SLC25A37: variants seen among roughly 807,000 people sequenced by gnomAD.
SLC25A37 encodes mitoferrin-1.
A neutral mutation model predicts 31.0 loss-of-function variants in SLC25A37; 17 were observed. The observed-to-expected ratio is 0.55, with a 90% confidence interval of 0.38 to 0.82. SLC25A37 has a LOEUF of 0.82. Among genes scored for constraint, SLC25A37 ranks in the 40% least tolerant of loss-of-function variants. The pLI is 0.00. For missense variants in SLC25A37, 404 were observed against 465.8 expected, an observed-to-expected ratio of 0.87 and a Z score of 1.22; for synonymous variants, 222 against 193.0, an observed-to-expected ratio of 1.15 and a Z score of -1.24.
intron 1 of SLC25A37, among the ~76,000 whole-genome samples, chr8:23,554,773 C>T (rs1414632603): frequency 6.6e-6 from 1 of 152,200 alleles, no homozygotes; most frequent in African/African-American, 2.4e-5. Flanking sequence ...GGTGGCCTGG[C>T]AAGCAGCTGT....
Position 23,574,820 on chromosome 8 carries a change from G to C in SLC25A37, c.*2965G>C, listed in dbSNP as rs903021166. 6.5e-6 allele frequency: 1 copy of C among 154,284 alleles called. No homozygotes were observed. Among genetic ancestry groups the C allele is most frequent in the African/African-American group, 2.4e-5 (1 of 41,440 alleles). The allele number at this position is 154,284 out of a possible 1,614,324, so 9.6% of individuals were successfully genotyped here. A position where few individuals can be genotyped will look rare whatever the true frequency, so the allele number is the denominator to read the frequency against. ...GACCAATTCAGTGTAACCTTTGCAC[G>C]TACTCAGTCATTGGTGTCTTTGGAG... On this transcript the variant is annotated 3_prime_UTR_variant, in exon 4 of 4. Transcript: ENST00000519973.
At chr8:23,549,171 C>T (rs1802154661) in intron 1 of SLC25A37, among the ~76,000 whole-genome samples, 2 of 152,208 alleles carry the variant, frequency 1.3e-5, no homozygotes, top group African/African-American at 4.8e-5. Flanking sequence ...GTTCCAGCAG[C>T]CCCTAACACT....
At chr8:23,545,177 A>T (rs935646974) in intron 1 of SLC25A37, among the ~76,000 whole-genome samples, 1 of 152,158 alleles carries the variant, frequency 6.6e-6, no homozygotes, top group Non-Finnish European at 1.5e-5. Flanking sequence ...GGTGTAGGCG[A>T]CAACTGTGCC....
At chr8:23,566,361 G>GT (rs747033414) in intron 2 of SLC25A37, 25 bp downstream of exon 2, 2 of 1,592,504 alleles carry the variant, frequency 1.3e-6, no homozygotes, top group South Asian at 2.3e-5. Context: ...TTTGTCTGGA[G>GT]TTAGAAAGTT....
chr8:23,538,522 CGTGTGT>C (rs202005751), intron 1 of SLC25A37, among the ~76,000 whole-genome samples: 1 of 108,922 alleles, frequency 9.2e-6, no homozygotes, highest in Non-Finnish European at 1.6e-5. Context: ...CGTTGTTTGT[CGTGTGT>C]GTGTGTGTGT....
chr8:23,567,976 C>G (rs981583053), intron 2 of SLC25A37: 1 of 372,474 alleles, frequency 2.7e-6, no homozygotes. Flanking sequence ...AGGCGAGGGA[C>G]AAGAGAGAGT....
chr8:23,571,191 TGTGTG>T, intron 3 of SLC25A37, 139 bp from the exon 4 acceptor site: 1 of 972,492 alleles, frequency 1.0e-6, no homozygotes, highest in Non-Finnish European at 1.5e-6. Flanking sequence ...ACTAGGGCTG[TGTGTG>T]CTGGCTCTCG....
intron 3 of SLC25A37, among the ~76,000 whole-genome samples, chr8:23,571,093 A>T (rs1197253673): frequency 2.0e-5 from 3 of 152,208 alleles, no homozygotes. Flanking sequence ...GGAGAGACGG[A>T]AATAGCCACC....
intron 1 of SLC25A37, among the ~76,000 whole-genome samples, chr8:23,552,451 C>G (rs1209889072): frequency 1.3e-5 from 2 of 152,168 alleles, no homozygotes; most frequent in African/African-American, 4.8e-5. Flanking sequence ...TCTTTGTGCT[C>G]TCAGGCATGT....
chr8:23,571,238 C>G, intron 3 of SLC25A37, 97 bp from the exon 4 acceptor site: 1 of 1,403,422 alleles, frequency 7.1e-7, no homozygotes. Flanking sequence ...GCTTGTTTCT[C>G]TTTATGGCTT....
intron 1 of SLC25A37, among the ~76,000 whole-genome samples, chr8:23,556,166 G>A (rs1802358738): frequency 6.6e-6 from 1 of 151,910 alleles, no homozygotes; most frequent in African/African-American, 2.4e-5. Context: ...TTTGAAGTGG[G>A]GGCAATGACT....
intron 1 of SLC25A37, among the ~76,000 whole-genome samples, chr8:23,549,627 G>A (rs951895224): frequency 1.3e-5 from 2 of 152,208 alleles, no homozygotes; most frequent in Admixed American, 1.3e-4. Context: ...TGTCATCAGT[G>A]TGAAAGGTGA....
At chr8:23,540,012 C>T (rs756482862) in intron 1 of SLC25A37, among the ~76,000 whole-genome samples, 11 of 152,350 alleles carry the variant, frequency 7.2e-5, no homozygotes, top group Admixed American at 3.9e-4. Flanking sequence ...ATCAGCTCCT[C>T]TTGTTATTTC....
chr8:23,540,576 C>T (rs553495055), intron 1 of SLC25A37, among the ~76,000 whole-genome samples: 2 of 152,286 alleles, frequency 1.3e-5, no homozygotes, highest in East Asian at 3.9e-4. Context: ...TTTTTGGCTG[C>T]GTCTGGCTTC....
At chr8:23,564,589 A>T (rs1284967808) in intron 1 of SLC25A37, among the ~76,000 whole-genome samples, 1 of 151,412 alleles carries the variant, frequency 6.6e-6, no homozygotes, top group Non-Finnish European at 1.5e-5. Flanking sequence ...CTTTGGTGGG[A>T]CTGAGCCATG....
chr8:23,568,643 G>A lies in SLC25A37; in HGVS notation c.496+265G>A, dbSNP rs1354872858. The A allele has an allele frequency of 1.3e-5, 6 of 477,726 alleles. No individual in the cohort carries two copies. In the East Asian group the frequency reaches 2.3e-4, roughly 18 times the overall value. The allele number at this position is 477,726 out of a possible 1,614,324, so 29.6% of individuals were successfully genotyped here. ...GCATCAGACATCTTGAGGGGTGTTG[G>A]AAATGCTAATTCTGAGGCTGGGTGC... On this transcript the variant is annotated intron_variant, in intron 3 of 3. Transcript: ENST00000519973.
chr8:23,572,453 A>T lies in SLC25A37; in HGVS notation c.*598A>T, dbSNP rs1004154574. The T allele has an allele frequency of 6.6e-6, 1 of 152,576 alleles. No individual in the cohort carries two copies. Among genetic ancestry groups the T allele is most frequent in the Non-Finnish European group, 1.5e-5 (1 of 68,054 alleles). 9.5% of individuals were successfully genotyped at this position (152,576 alleles called of 1,614,324 possible). Reference sequence around the variant, plus strand: ...TTCCATCAGGTGAACGAAAAAGGCAACAAAGTAATAAATCAGTGAATGTGG... The same window carrying T: ...TTCCATCAGGTGAACGAAAAAGGCATCAAAGTAATAAATCAGTGAATGTGG... On this transcript the variant is annotated 3_prime_UTR_variant, in exon 4 of 4. Transcript: ENST00000519973.
rs1034347644 is a variant in SLC25A37, at chr8:23,572,358, A to G, written c.*503A>G. 1 of 153,138 alleles carries G rather than the reference A, an allele frequency of 6.5e-6. No individual in the cohort carries two copies. The highest frequency in any genetic ancestry group is 2.0e-4 in the South Asian group (1 of 4,972). 9.5% of individuals were successfully genotyped at this position (153,138 alleles called of 1,614,324 possible). On this transcript the variant is annotated 3_prime_UTR_variant, in exon 4 of 4. Transcript: ENST00000519973. ...TTTGTGTGTGTGCTTGTGCGTGTCT[A>G]CACCTAGTATTACGGCTGGGACTCT...
At chr8:23,536,359 T>C (rs1200141954) in intron 1 of SLC25A37, among the ~76,000 whole-genome samples, 1 of 152,186 alleles carries the variant, frequency 6.6e-6, no homozygotes, top group African/African-American at 2.4e-5. Context: ...CCACCCCTGC[T>C]TCCTGGCTTT....
Sources: allele counts gnomAD v4.1 joint callset (sites outside exome capture counted in the v4.1 genomes callset), GRCh38; gene constraint gnomAD v4.1.1; transcripts MANE v1.5; gene names NCBI Gene and HGNC (gene_info 2026-07-23, HGNC 2026-07-21).